The following VKORC1 variants were observed in gnomAD, a reference collection of about 807,000 sequenced individuals.
The protein encoded by VKORC1 is vitamin K epoxide reductase complex subunit 1.
VKORC1 carries 12 observed loss-of-function variants against 14.8 expected under a neutral mutation model. That is an observed-to-expected ratio of 0.81 (90% CI 0.52 to 1.31). The LOEUF (loss-of-function observed/expected upper bound fraction) is 1.31. Among genes scored for constraint, VKORC1 ranks in the 50% most tolerant of loss-of-function variants. The pLI is 0.00. For synonymous variants in VKORC1, 94 were observed against 92.5 expected (o/e 1.02, Z -0.09); for missense variants, 223 against 215.3 (o/e 1.04, Z -0.22).
intron 2 of VKORC1, 115 bp from the exon 3 acceptor site, chr16:31,091,457 CAAG>C: frequency 6.5e-7 from 1 of 1,531,130 alleles, no homozygotes; most frequent in Middle Eastern, 2.3e-4. Context: ...GTCTCTAAAA[CAAG>C]AGGCTCCAGG....
At position 31,093,394 on chromosome 16, in the gene VKORC1, C is replaced by G; in HGVS notation, c.201G>C (p.Glu67Asp). 6.2e-7 allele frequency: 1 copy of G among 1,614,178 alleles called. No individual in the cohort carries two copies. Among genetic ancestry groups the G allele is most frequent in the African/African-American group, 1.3e-5 (1 of 75,056 alleles). The change falls in exon 2 of 3, where the codon GAG becomes GAC. Residue 67 changes from glutamate to aspartate, a missense_variant. By Grantham distance (45) the Glu-to-Asp change is conservative. Transcript: ENST00000394975. ...SRWGRGFGLV[E>D]HVLGQDSILN... is the part of the protein sequence containing the mutation. ...GGATGCTGTCCTGTCCCAGCACATG[C>G]TCCACCAGCCCGAAACCCCTGCCCC...
intron 2 of VKORC1, among the ~76,000 whole-genome samples, 159 bp downstream of exon 2, chr16:31,093,149 TGTTA>T (rs1567421359): frequency 6.6e-6 from 1 of 152,032 alleles, no homozygotes; most frequent in African/African-American, 2.4e-5. Flanking sequence ...AAAAGACTCC[TGTTA>T]GTTACCTCCC....
intron 1 of VKORC1, chr16:31,094,228 C>G (rs756872930): frequency 1.2e-6 from 2 of 1,606,606 alleles, no homozygotes; most frequent in East Asian, 2.2e-5. Context: ...CCAACACCCC[C>G]CTTCACCTGC....
chr16:31,090,950 T>G lies in VKORC1; in HGVS notation c.*184A>C. Reference sequence around the variant, plus strand: ...CCCATGGGGACAGAGTCAGAGGCACTGGGTGTAAAAAAGAGCGAGCGTGTG... The same window carrying G: ...CCCATGGGGACAGAGTCAGAGGCACGGGGTGTAAAAAAGAGCGAGCGTGTG... On this transcript the variant is annotated 3_prime_UTR_variant, in exon 3 of 3. Transcript: ENST00000394975. 1 of 935,096 alleles carries G rather than the reference T, an allele frequency of 1.1e-6. No individual in the cohort carries two copies. The allele number at this position is 935,096 out of a possible 1,614,324, so 57.9% of individuals were successfully genotyped here. A position where few individuals can be genotyped will look rare whatever the true frequency, so the allele number is the denominator to read the frequency against.
chr16:31,093,636 G>A, intron 1 of VKORC1: 2 of 1,190,764 alleles, frequency 1.7e-6, no homozygotes, highest in African/African-American at 1.6e-5. Flanking sequence ...CCTCTCCCCA[G>A]ACCAGGCCCG....
intron 2 of VKORC1, among the ~76,000 whole-genome samples, chr16:31,092,212 G>C (rs1396610715): frequency 1.3e-5 from 2 of 148,462 alleles, no homozygotes; most frequent in Non-Finnish European, 3.0e-5. Context: ...AAATTAGCTG[G>C]GTGCAGTGAC....
rs747930504 is a variant in VKORC1 at position 31,093,361 on chromosome 16, T to C, written c.234A>G (p.Gln78=). 8.1e-6 allele frequency: 13 copies of C among 1,614,016 alleles called. No homozygotes were observed. The Admixed American group carries it at 8.3e-5, about 10-fold the overall frequency. ...AGATGCAACCGAATATGCTGTTGGATTGATTGAGGATGCTGTCCTGTCCCA... is the reference window on the plus strand; with the variant it reads ...AGATGCAACCGAATATGCTGTTGGACTGATTGAGGATGCTGTCCTGTCCCA... The part of the protein sequence containing the change: ...HVLGQDSILN[Q]SNSIFGCIFY... Residue 78 remains glutamine, a synonymous_variant, in exon 2 of 3, where the codon CAA becomes CAG. Transcript: ENST00000394975.
In VKORC1 at chr16:31,090,864, A is replaced by G. The variant is rs1028687422; in HGVS notation, c.*270T>C. ...TGGTTCAGACTTGGCTGATTGATCT[A>G]AGAAACTTTATTGCTCAGAACCTTC... On this transcript the variant is annotated 3_prime_UTR_variant, in exon 3 of 3. Transcript: ENST00000394975. 1 of 509,106 alleles carries G rather than the reference A, an allele frequency of 2.0e-6. No individual in the cohort carries two copies. Among genetic ancestry groups the G allele is most frequent in the African/African-American group, 1.9e-5 (1 of 51,758 alleles). The allele number at this position is 509,106 out of a possible 1,614,324, so 31.5% of individuals were successfully genotyped here.
intron 1 of VKORC1, 122 bp downstream of exon 1, chr16:31,094,435 C>G: frequency 3.1e-6 from 5 of 1,612,982 alleles, no homozygotes; most frequent in Non-Finnish European, 4.2e-6. Context: ...TGTGCAACGA[C>G]CCCGCGAGCA....
chr16:31,091,800 C>T (rs2057292075), intron 2 of VKORC1, among the ~76,000 whole-genome samples: 1 of 152,064 alleles, frequency 6.6e-6, no homozygotes, highest in Non-Finnish European at 1.5e-5. Context: ...GGTGGAGAAT[C>T]GCTTGAACCT....
Position 31,091,041 on chromosome 16 carries a change from C to A in VKORC1, c.*93G>T. On this transcript the variant is annotated 3_prime_UTR_variant, in exon 3 of 3. Coordinates refer to ENST00000394975, the MANE Select transcript of VKORC1 (RefSeq NM_024006.6). ...AGGGGGTAATCTAGAAGCCCCACATCTAGGGCCTTCTAGGGACCCAGATAT... is the reference window on the plus strand; with the variant it reads ...AGGGGGTAATCTAGAAGCCCCACATATAGGGCCTTCTAGGGACCCAGATAT... 2 of 1,549,508 alleles carry A rather than the reference C, an allele frequency of 1.3e-6. No homozygotes were observed. Among genetic ancestry groups the A allele is most frequent in the Middle Eastern group, 2.3e-4 (1 of 4,354 alleles).
intron 1 of VKORC1, chr16:31,094,026 A>C: frequency 1.1e-6 from 1 of 939,686 alleles, no homozygotes; most frequent in Non-Finnish European, 1.6e-6. Context: ...TTAAAATGGC[A>C]AGGCTGGTAT....
chr16:31,094,495 T>A (rs373388711), intron 1 of VKORC1, 62 bp downstream of exon 1: 5 of 1,612,712 alleles, frequency 3.1e-6, no homozygotes, highest in African/African-American at 1.3e-5. Context: ...GACTCCAGAA[T>A]AATCATCTGG....
At chr16:31,094,039 C>T in intron 1 of VKORC1, 1 of 1,025,346 alleles carries the variant, frequency 9.8e-7, no homozygotes. Context: ...GCTGGTATAA[C>T]GGTTCACTCG....
In VKORC1 at chr16:31,094,571, G is replaced by A; in HGVS notation, c.159C>T (p.Arg53=). The change falls in exon 1 of 3, where the codon CGC becomes CGT. Residue 53 remains arginine, a synonymous_variant. Coordinates refer to ENST00000394975, the MANE Select transcript of VKORC1 (RefSeq NM_024006.6). The stretch of plus-strand genomic sequence containing the variant: ...CCCGTGCACACCTGGAGGAGAAGAC[G>A]CGCGAACAGCTGATGGCGGTGCCCA... The part of the protein sequence containing the change: ...CDVGTAISCS[R]VFSSRWGRGF... 6.2e-7 allele frequency: 1 copy of A among 1,611,616 alleles called. No homozygotes were observed.
At chr16:31,093,274 C>CGGGGCGGGGCGGGCAGGGAG in intron 2 of VKORC1, 38 bp downstream of exon 2, 2 of 981,980 alleles carry the variant, frequency 2.0e-6, no homozygotes, top group Admixed American at 4.0e-5. Context: ...GGATGAGGGG[C>CGGGGCGGGGCGGGCAGGGAG]GGGGCGGGGC....
Position 31,091,260 on chromosome 16 carries a change from C to G in VKORC1, c.366G>C (p.Trp122Cys), listed in dbSNP as rs778866032. 1 of 1,614,190 alleles carries G rather than the reference C, an allele frequency of 6.2e-7. No homozygotes were observed. The highest frequency in any genetic ancestry group is 8.5e-7 in the Non-Finnish European group (1 of 1,180,036). Residue 122 changes from tryptophan to cysteine, a missense_variant, in exon 3 of 3, where the codon TGG (tryptophan) becomes TGC (cysteine). Coordinates refer to ENST00000394975, the MANE Select transcript of VKORC1 (RefSeq NM_024006.6). ...AATCATAGAGCACGAAGAACAGGAT[C>G]CAGGCCAGGTAGACAGAACCAGCGA... Reference protein sequence around the residue: ...VSLAGSVYLAWILFFVLYDFC... With the variant: ...VSLAGSVYLACILFFVLYDFC...
In VKORC1 at chr16:31,091,240, T is replaced by C. The variant is rs2057287095; in HGVS notation, c.386A>G (p.Tyr129Cys). ...GGTGATACAAACAATGCAGAAATCA[T>C]AGAGCACGAAGAACAGGATCCAGGC... ...YLAWILFFVLYDFCIVCITTY... is the reference protein window; with the variant it reads ...YLAWILFFVLCDFCIVCITTY... Residue 129 changes from tyrosine to cysteine, a missense_variant, in exon 3 of 3, where the codon TAT becomes TGT. Tyr to Cys is a radical substitution (Grantham distance 194). Transcript: ENST00000394975. 8.1e-6 allele frequency: 13 copies of C among 1,614,092 alleles called. No individual in the cohort carries two copies. The highest frequency in any genetic ancestry group is 1.0e-5 in the Non-Finnish European group (12 of 1,180,036).
In VKORC1 at chr16:31,094,711, T is replaced by G; in HGVS notation, c.19A>C (p.Ser7Arg). 1 of 1,607,058 alleles carries G rather than the reference T, an allele frequency of 6.2e-7. No homozygotes were observed. Among genetic ancestry groups the G allele is most frequent in the Non-Finnish European group, 8.5e-7 (1 of 1,178,502 alleles). The change falls in exon 1 of 3, where the codon AGC becomes CGC. Residue 7 changes from serine to arginine, a missense_variant. Physicochemically the swap from Ser to Arg is moderately radical, Grantham distance 110. Transcript: ENST00000394975. The stretch of plus-strand genomic sequence containing the variant: ...AGAGCGAGCCGCACCCAGCCAGGGC[T>G]CCCCCAGGTGCTGCCCATTATCTCC... MGSTWG[S>R]PGWVRLALCL...
Sources: allele counts gnomAD v4.1 joint callset (sites outside exome capture counted in the v4.1 genomes callset), GRCh38; gene constraint gnomAD v4.1.1; transcripts MANE v1.5; gene names NCBI Gene and HGNC (gene_info 2026-07-23, HGNC 2026-07-21).